Variants in SLC7A10 observed in about 807,000 individuals in gnomAD.
SLC7A10 encodes asc-type amino acid transporter 1.
Under a neutral mutation model 52.7 loss-of-function variants are expected in SLC7A10, and 30 were observed. That is an observed-to-expected ratio of 0.57 (90% CI 0.43 to 0.77). The LOEUF is 0.77. Ranked by LOEUF, SLC7A10 falls within the 30% of genes least tolerant of loss-of-function variation. SLC7A10 has a pLI of 0.00. For synonymous variants in SLC7A10, 318 were observed against 314.9 expected, an observed-to-expected ratio of 1.01 and a Z score of -0.10; for missense variants, 581 against 698.5, an observed-to-expected ratio of 0.83 and a Z score of 1.90.
Position 33,209,465 on chromosome 19 carries a change from C to T in SLC7A10, c.1284G>A (p.Val428=), listed in dbSNP as rs1235028683. Residue 428 remains valine, a synonymous_variant, in exon 10 of 11, where the codon GTG becomes GTA. Coordinates refer to ENST00000253188, the MANE Select transcript of SLC7A10 (RefSeq NM_019849.3). ...RPIKVNLLIP[V]AYLVFWAFLL... ...GGAAGGCCCAGAAGACCAAGTACGC[C>T]ACGGGGATGAGAAGGTTCACCTGGG... is the stretch of plus-strand genomic sequence containing the variant. 1 of 1,613,940 alleles carries T rather than the reference C, an allele frequency of 6.2e-7. No individual in the cohort carries two copies. The highest frequency in any genetic ancestry group is 1.3e-5 in the African/African-American group (1 of 75,024).
At position 33,218,684 on chromosome 19, in the gene SLC7A10, T is replaced by TCTTTCTTTCTTTC. The variant is rs1456336386; in HGVS notation, c.152-2712_152-2711insGAAAGAAAGAAAG. Among the ~76,000 whole-genome samples the TCTTTCTTTCTTTC allele has an allele frequency of 1.5e-3, 74 of 48,640 alleles. 1 individual carries two copies. Among genetic ancestry groups the TCTTTCTTTCTTTC allele is most frequent in the East Asian group, 3.5e-3 (8 of 2,312 alleles). The allele number at this position is 48,640 out of a possible 152,430, so 31.9% of individuals were successfully genotyped here. On this transcript the variant is annotated intron_variant, in intron 1 of 10. Transcript: ENST00000253188. ...GGATTTCTTTCTTTCTTTCTTTCTT[T>TCTTTCTTTCTTTC]TTTTTTTTTTTTTAGTAGAGATGGG...
chr19:33,210,702 C>G lies in SLC7A10; in HGVS notation c.1114-86G>C. On this transcript the variant is annotated intron_variant, in intron 8 of 10. Coordinates refer to ENST00000253188, the MANE Select transcript of SLC7A10 (RefSeq NM_019849.3). The surrounding 1 kb of genome is among the most constrained non-coding windows in gnomAD (Gnocchi z 5.6). Reference sequence around the variant, plus strand: ...ATGAGCCCTGGCCCCACCCCCAACCCCCACCCTGGAATGGCTCACCCCTGC... The same window carrying G: ...ATGAGCCCTGGCCCCACCCCCAACCGCCACCCTGGAATGGCTCACCCCTGC... 1 of 1,608,542 alleles carries G rather than the reference C, an allele frequency of 6.2e-7. No individual in the cohort carries two copies. The highest frequency in any genetic ancestry group is 8.5e-7 in the Non-Finnish European group (1 of 1,178,038).
chr19:33,213,540 G>C (rs1052905614), intron 2 of SLC7A10, among the ~76,000 whole-genome samples: 3 of 152,086 alleles, frequency 2.0e-5, no homozygotes, highest in Non-Finnish European at 2.9e-5. Context: ...CACCCGCCTC[G>C]GCCTCCCAAA....
chr19:33,217,979 G>C (rs988814496), intron 1 of SLC7A10: 1 of 152,252 alleles, frequency 6.6e-6, no homozygotes, highest in African/African-American at 2.4e-5. Flanking sequence ...TGGGTGGGCT[G>C]TAAGGTTTCT....
At chr19:33,212,032 C>A in intron 5 of SLC7A10, 1 of 584,646 alleles carries the variant, frequency 1.7e-6, no homozygotes, top group Non-Finnish European at 3.0e-6. Flanking sequence ...ATCTCTGGAT[C>A]TATTTACAGC....
rs758006613 is a variant in SLC7A10 at position 33,212,948 on chromosome 19, G to A, written c.411C>T (p.Val137=). The change falls in exon 3 of 11, where the codon GTC becomes GTT. Residue 137 remains valine, a synonymous_variant. Coordinates refer to ENST00000253188, the MANE Select transcript of SLC7A10 (RefSeq NM_019849.3). ...VLIMYPTSLA[V]ISMTFSNYVL... ...CGTAGTTGGAGAAGGTCATGGAGATGACAGCAAGGCTGGTGGGGTACATGA... is the reference window on the plus strand; with the variant it reads ...CGTAGTTGGAGAAGGTCATGGAGATAACAGCAAGGCTGGTGGGGTACATGA... 1 of 1,614,150 alleles carries A rather than the reference G, an allele frequency of 6.2e-7. No homozygotes were observed. The highest frequency in any genetic ancestry group is 1.1e-5 in the South Asian group (1 of 91,078).
At chr19:33,214,620 C>T (rs1477398981) in intron 2 of SLC7A10, among the ~76,000 whole-genome samples, 1 of 152,234 alleles carries the variant, frequency 6.6e-6, no homozygotes, top group African/African-American at 2.4e-5. Flanking sequence ...GGCCACCACA[C>T]CCTCTGTTCA....
intron 1 of SLC7A10, among the ~76,000 whole-genome samples, chr19:33,216,654 T>G (rs963771637): frequency 6.6e-6 from 1 of 151,686 alleles, no homozygotes; most frequent in African/African-American, 2.4e-5. Context: ...TCCCTTTCCT[T>G]CCCTCCGCTT....
intron 1 of SLC7A10, among the ~76,000 whole-genome samples, chr19:33,217,031 C>A (rs1974701501): frequency 6.6e-6 from 1 of 150,900 alleles, no homozygotes; most frequent in Admixed American, 6.6e-5. Context: ...TATTACCACA[C>A]CCAGGTTTTT....
chr19:33,219,225 C>T (rs543161994), intron 1 of SLC7A10, among the ~76,000 whole-genome samples: 1 of 152,300 alleles, frequency 6.6e-6, no homozygotes, highest in South Asian at 2.1e-4. Flanking sequence ...GTCTCCACCA[C>T]CCGCCCCTCT....
At chr19:33,224,651 C>T (rs1400871768) in intron 1 of SLC7A10, among the ~76,000 whole-genome samples, 4 of 152,138 alleles carry the variant, frequency 2.6e-5, no homozygotes, top group Non-Finnish European at 4.4e-5. Flanking sequence ...ACCCCCCAAA[C>T]CACTTCTCCT....
chr19:33,219,024 C>G (rs1974758159), intron 1 of SLC7A10, among the ~76,000 whole-genome samples: 1 of 151,924 alleles, frequency 6.6e-6, no homozygotes, highest in African/African-American at 2.4e-5. Context: ...ACGGGATGGG[C>G]CTGGAGATAC....
Position 33,208,690 on chromosome 19 carries a change from G to C in SLC7A10, c.*201C>G. 1.5e-6 allele frequency: 1 copy of C among 664,230 alleles called. No homozygotes were observed. The highest frequency in any genetic ancestry group is 1.9e-5 in the South Asian group (1 of 51,548). The allele number at this position is 664,230 out of a possible 1,614,324, so 41.1% of individuals were successfully genotyped here. ...AACAGCCAGCCCTGTTTATTTATAG[G>C]CCTTTTCAGGAAGAGCTAGCAGGGC... On this transcript the variant is annotated 3_prime_UTR_variant, in exon 11 of 11. Coordinates refer to ENST00000253188, the MANE Select transcript of SLC7A10 (RefSeq NM_019849.3). The surrounding 1 kb of genome is among the most constrained non-coding windows in gnomAD (Gnocchi z 4.7).
chr19:33,209,352 C>T lies in SLC7A10; in HGVS notation c.1397G>A (p.Gly466Glu), dbSNP rs138122037. 5 of 1,613,892 alleles carry T rather than the reference C, an allele frequency of 3.1e-6. No homozygotes were observed. Among genetic ancestry groups the T allele is most frequent in the Non-Finnish European group, 4.2e-6 (5 of 1,180,016 alleles). ...CTTTGGTTTGCTTCTCCAGAACACT[C>T]CCAGAAAGAAAATGGGCACCCCCGT... ...ILTGVPIFFL[G>E]VFWRSKPKCV... Residue 466 changes from glycine (G) to glutamate (E), a missense_variant, in exon 10 of 11, where the codon GGA (glycine) becomes GAA (glutamate). By Grantham distance (98) the Gly-to-Glu change is moderately conservative (BLOSUM62 -2). Coordinates refer to ENST00000253188, the MANE Select transcript of SLC7A10 (RefSeq NM_019849.3).
chr19:33,225,574 T>G lies in SLC7A10; in HGVS notation c.130A>C (p.Ser44Arg). 1 of 1,596,456 alleles carries G rather than the reference T, an allele frequency of 6.3e-7. No individual in the cohort carries two copies. The highest frequency in any genetic ancestry group is 8.5e-7 in the Non-Finnish European group (1 of 1,179,296). Reference protein sequence around the residue: ...VALKKEIGLLSACTIIIGNII... With the variant: ...VALKKEIGLLRACTIIIGNII... The stretch of plus-strand genomic sequence containing the variant: ...TCACCGATGATGATGGTGCAGGCGC[T>G]CAGCAGCCCGATCTCCTTCTTGAGC... The change falls in exon 1 of 11, where the codon AGC becomes CGC. Residue 44 changes from serine (S) to arginine (R), a missense_variant. Transcript: ENST00000253188.
At chr19:33,224,767 C>T (rs868081600) in intron 1 of SLC7A10, among the ~76,000 whole-genome samples, 38 of 152,334 alleles carry the variant, frequency 2.5e-4, no homozygotes, top group Non-Finnish European at 1.6e-4. Flanking sequence ...ATTCCCATGA[C>T]CTCTGAGCTC....
At chr19:33,225,175 C>A (rs965265284) in intron 1 of SLC7A10, among the ~76,000 whole-genome samples, 1 of 152,270 alleles carries the variant, frequency 6.6e-6, no homozygotes, top group South Asian at 2.1e-4. Context: ...CCTGCCGCAG[C>A]CTGACCAGCC....
At chr19:33,211,379 G>C (rs538927029) in intron 6 of SLC7A10, 35 bp downstream of exon 6, 1 of 1,613,730 alleles carries the variant, frequency 6.2e-7, no homozygotes, top group Non-Finnish European at 8.5e-7. Context: ...CAGGGGCCTG[G>C]GCAGGAGCCA....
At chr19:33,215,609 C>T (rs1465178676) in intron 2 of SLC7A10, among the ~76,000 whole-genome samples, 160 bp downstream of exon 2, 4 of 121,448 alleles carry the variant, frequency 3.3e-5, no homozygotes, top group South Asian at 3.2e-4. Context: ...TCCATCCAGC[C>T]CCCACACCTT....
Sources: allele counts gnomAD v4.1 joint callset (sites outside exome capture counted in the v4.1 genomes callset), GRCh38; gene constraint gnomAD v4.1.1; non-coding constraint Gnocchi (gnomAD v3.1); transcripts MANE v1.5; gene names NCBI Gene and HGNC (gene_info 2026-07-23, HGNC 2026-07-21).